The following WWC2 variants were observed in gnomAD, a reference collection of about 807,000 sequenced individuals.
The protein encoded by WWC2 is WW and C2 domain containing 2.
WWC2 carries 101 observed loss-of-function variants against 138.5 expected under a neutral mutation model. That is an observed-to-expected ratio of 0.73 (90% confidence interval 0.62 to 0.86). The LOEUF (loss-of-function observed/expected upper bound fraction) is 0.86. WWC2 is among the 40% of genes least tolerant of loss of function. The pLI, the probability that WWC2 is intolerant of heterozygous loss-of-function variation, is 0.00. For missense variants in WWC2, 1,420 were observed against 1,419.4 expected, an observed-to-expected ratio of 1.00 and a Z score of -0.01; for synonymous variants, 558 against 538.4, an observed-to-expected ratio of 1.04 and a Z score of -0.50.
chr4:183,176,970 G>C (rs1381973964), intron 1 of WWC2, among the ~76,000 whole-genome samples: 1 of 152,180 alleles, frequency 6.6e-6, no homozygotes, highest in Non-Finnish European at 1.5e-5. Flanking sequence ...CACCAGTGCA[G>C]ATGTGGTGGT....
chr4:183,315,599 T>A (rs903004158), intron 22 of WWC2, 64 bp from the exon 23 acceptor site: 1 of 1,370,782 alleles, frequency 7.3e-7, no homozygotes, highest in Non-Finnish European at 1.0e-6. Context: ...GGGGACTGTT[T>A]TAATGGTCCC....
rs1326813978 is a variant in WWC2, at chr4:183,319,292, C to T, written c.*3563C>T. On this transcript the variant is annotated 3_prime_UTR_variant, in exon 23 of 23. Transcript: ENST00000403733. ...ATAGAGATTAATGTTTTATTTACCA[C>T]TTCTGTGCAATCGCTATTTTAAAAT... The T allele has an allele frequency of 2.5e-6, 1 of 394,242 alleles. No homozygotes were observed. The highest frequency in any genetic ancestry group is 4.4e-5 in the East Asian group (1 of 22,654). The allele number at this position is 394,242 out of a possible 1,614,324, so 24.4% of individuals were successfully genotyped here.
chr4:183,208,089 G>A lies in WWC2; in HGVS notation c.378G>A (p.Ala126=), dbSNP rs771913517. The A allele has an allele frequency of 1.6e-5, 26 of 1,613,732 alleles. No individual in the cohort carries two copies. The highest frequency in any genetic ancestry group is 2.1e-5 in the Non-Finnish European group (25 of 1,179,816). ...ACCATGTGAAGGAGCAGAGGCTGGC[G>A]CTGGCCCTGGATGAATACGTGCGAT... ...ELYHVKEQRL[A]LALDEYVRLN... Residue 126 remains alanine (A), a synonymous_variant, in exon 3 of 23, where the codon GCG becomes GCA. Transcript: ENST00000403733.
At chr4:183,295,372 C>G (rs932360392) in intron 21 of WWC2, among the ~76,000 whole-genome samples, 1 of 152,184 alleles carries the variant, frequency 6.6e-6, no homozygotes, top group Non-Finnish European at 1.5e-5. Context: ...CTCCTGCTCA[C>G]CACTAGAATA....
At chr4:183,137,032 G>A (rs1004463395) in intron 1 of WWC2, among the ~76,000 whole-genome samples, 7 of 152,242 alleles carry the variant, frequency 4.6e-5, no homozygotes, top group African/African-American at 1.7e-4. Context: ...CATAGAAAAA[G>A]TACTGTTTAG....
intron 4 of WWC2, among the ~76,000 whole-genome samples, chr4:183,210,602 TAAC>T (rs1735569914): frequency 6.6e-6 from 1 of 152,296 alleles, no homozygotes; most frequent in Middle Eastern, 3.4e-3. Flanking sequence ...ATGGCTCACT[TAAC>T]AACGGGTATA....
intron 1 of WWC2, among the ~76,000 whole-genome samples, chr4:183,187,707 C>T (rs1310566408): frequency 1.3e-5 from 2 of 151,488 alleles, no homozygotes; most frequent in African/African-American, 2.4e-5. Context: ...CCCATCTCTA[C>T]TAAAAATACA....
intron 1 of WWC2, among the ~76,000 whole-genome samples, chr4:183,137,456 G>A (rs1733156136): frequency 6.6e-6 from 1 of 151,474 alleles, no homozygotes; most frequent in African/African-American, 2.4e-5. Context: ...CATAGGGTCA[G>A]GACCATCAAG....
At chr4:183,170,479 G>A (rs4364298) in intron 1 of WWC2, among the ~76,000 whole-genome samples, 151,593 of 152,286 alleles carry the variant, frequency 1, 75,455 homozygotes, top group Non-Finnish European at 1. Context: ...GGGTAAAGAG[G>A]AAAGCACTTT....
chr4:183,103,413 G>A (rs550919931), intron 1 of WWC2, among the ~76,000 whole-genome samples: 9 of 149,626 alleles, frequency 6.0e-5, no homozygotes, highest in South Asian at 4.2e-4. Flanking sequence ...GGCTTACTGC[G>A]GCTCCCGGGT....
chr4:183,292,134 T>C (rs954969538), intron 21 of WWC2, among the ~76,000 whole-genome samples: 19 of 152,208 alleles, frequency 1.2e-4, no homozygotes, highest in Non-Finnish European at 2.6e-4. Flanking sequence ...AGGTAGAGGC[T>C]GCAGTGAGCT....
chr4:183,265,995 T>A, intron 14 of WWC2, 44 bp downstream of exon 14: 2 of 1,526,742 alleles, frequency 1.3e-6, no homozygotes, highest in Non-Finnish European at 8.9e-7. Flanking sequence ...CTTAAACATT[T>A]CCATGTAAGA....
chr4:183,122,908 A>T (rs1324450833), intron 1 of WWC2, among the ~76,000 whole-genome samples: 11 of 152,232 alleles, frequency 7.2e-5, no homozygotes, highest in African/African-American at 2.7e-4. Context: ...TGATCAATGA[A>T]TATATGGAAA....
intron 16 of WWC2, among the ~76,000 whole-genome samples, chr4:183,279,790 A>G (rs1233882894): frequency 1.3e-5 from 2 of 152,068 alleles, no homozygotes; most frequent in African/African-American, 4.8e-5. Context: ...TTCTCTGAGC[A>G]TCATTCCTTT....
chr4:183,188,946 C>G (rs893370418), intron 1 of WWC2, among the ~76,000 whole-genome samples: 2 of 151,950 alleles, frequency 1.3e-5, no homozygotes, highest in African/African-American at 4.8e-5. Context: ...GTGCCTGCCC[C>G]TCTAATATGA....
At chr4:183,176,347 G>A (rs1160848922) in intron 1 of WWC2, among the ~76,000 whole-genome samples, 2 of 152,102 alleles carry the variant, frequency 1.3e-5, no homozygotes, top group African/African-American at 4.8e-5. Flanking sequence ...CAGCCCCGGA[G>A]CTTAAAAAAA....
At position 183,316,283 on chromosome 4, in the gene WWC2, G is replaced by A. The variant is rs978103543; in HGVS notation, c.*554G>A. 1 of 152,380 alleles carries A rather than the reference G, an allele frequency of 6.6e-6. No individual in the cohort carries two copies. Among genetic ancestry groups the A allele is most frequent in the African/African-American group, 2.4e-5 (1 of 41,422 alleles). The allele number at this position is 152,380 out of a possible 1,614,324, so 9.4% of individuals were successfully genotyped here. ...GGCCATCACCTGTGCGGGAACACCTGGTTTCCTTAAGACAATTTCCTTTTT... is the reference window on the plus strand; with the variant it reads ...GGCCATCACCTGTGCGGGAACACCTAGTTTCCTTAAGACAATTTCCTTTTT... On this transcript the variant is annotated 3_prime_UTR_variant, in exon 23 of 23. Transcript: ENST00000403733.
Position 183,167,819 on chromosome 4 carries a change from AGAT to A in WWC2, c.132-25779_132-25777del. On this transcript the variant is annotated intron_variant, in intron 1 of 22. Transcript: ENST00000403733. ...TTTTGAGTATCCTGAATGCCAGACT[AGAT>A]ACCTTGATTTTATGTAGTTGGCCAT... 2.0e-5 allele frequency among the ~76,000 whole-genome samples: 3 copies of A among 151,562 alleles called. No homozygotes were observed. The East Asian group carries it at 5.8e-4, about 30-fold the overall frequency.
intron 1 of WWC2, among the ~76,000 whole-genome samples, chr4:183,101,719 T>TA (rs1239920660): frequency 6.6e-6 from 1 of 152,206 alleles, no homozygotes; most frequent in Non-Finnish European, 1.5e-5. Context: ...GTTACACACT[T>TA]ACCAAACATA....
Sources: gnomAD v4.1 joint callset for allele counts (sites outside exome capture counted in the v4.1 genomes callset) on GRCh38, gnomAD v4.1.1 for gene constraint, MANE v1.5 for transcripts, NCBI Gene and HGNC (gene_info 2026-07-23, HGNC 2026-07-21) for gene names.